Variants in ERICH1 observed in about 807,000 individuals in gnomAD.
ERICH1 encodes the protein glutamate-rich protein 1.
In ERICH1, 56 loss-of-function variants were observed where a neutral mutation model predicts 39.6. The ratio of observed to expected loss-of-function variants is 1.41; its 90% CI spans 1.14 to 1.77. The LOEUF (loss-of-function observed/expected upper bound fraction) is 1.77. ERICH1 is among the 40% of genes most tolerant of loss of function. The pLI is 0.00. For synonymous variants in ERICH1, 313 were observed against 223.6 expected (o/e 1.40, Z -3.57); for missense variants, 826 against 575.4 (o/e 1.44, Z -4.45).
chr8:715,727 C>G (rs908824886), intron 2 of ERICH1, 134 bp downstream of exon 2: 1 of 1,250,220 alleles, frequency 8.0e-7, no homozygotes, highest in African/African-American at 1.5e-5. Flanking sequence ...CCTGCCCTGC[C>G]CACCTGCTGC....
At chr8:628,303 C>T (rs1797716804) in intron 3 of ERICH1, among the ~76,000 whole-genome samples, 1 of 152,222 alleles carries the variant, frequency 6.6e-6, no homozygotes, top group Admixed American at 6.5e-5. Flanking sequence ...GTGGGTGGAC[C>T]TGCATCCCAA....
At chr8:643,802 A>G (rs989140356) in intron 3 of ERICH1, among the ~76,000 whole-genome samples, 1 of 151,984 alleles carries the variant, frequency 6.6e-6, no homozygotes, top group African/African-American at 2.4e-5. Context: ...TCTCCTTTTT[A>G]TTGTAGTGAG....
At chr8:700,955 C>T (rs1811971424) in intron 2 of ERICH1, among the ~76,000 whole-genome samples, 1 of 152,258 alleles carries the variant, frequency 6.6e-6, no homozygotes, top group African/African-American at 2.4e-5. Context: ...CCAAAAATGA[C>T]AGAGGAAAAG....
intron 3 of ERICH1, among the ~76,000 whole-genome samples, chr8:643,978 G>A (rs951666100): frequency 2.0e-5 from 3 of 152,212 alleles, no homozygotes; most frequent in African/African-American, 4.8e-5. Flanking sequence ...TGGGCCTGAC[G>A]GGGCGGGGGC....
rs185129641 is a variant in ERICH1, at chr8:711,773, A to C, written c.169+4088T>G. On this transcript the variant is annotated intron_variant, in intron 2 of 5. Coordinates refer to ENST00000262109, the MANE Select transcript of ERICH1 (RefSeq NM_207332.3). Reference sequence around the variant, plus strand: ...TGGCCTCCCAAAGTGCTGGGATTATAGGTGTGATCCACCGCGCCCAGTCCA... The same window carrying C: ...TGGCCTCCCAAAGTGCTGGGATTATCGGTGTGATCCACCGCGCCCAGTCCA... 1.3e-3 allele frequency among the ~76,000 whole-genome samples: 197 copies of C among 152,320 alleles called. 1 individual carries two copies. Among genetic ancestry groups the C allele is most frequent in the South Asian group, 0.012 (58 of 4,828 alleles).
intron 3 of ERICH1, among the ~76,000 whole-genome samples, chr8:639,901 C>G (rs62486235): frequency 0.022 from 3,297 of 151,998 alleles, 537 homozygotes; most frequent in Middle Eastern, 0.038. Context: ...TCACTAGCCT[C>G]CTGGCCTTAA....
chr8:729,807 GAGAA>G (rs747094842), intron 1 of ERICH1, among the ~76,000 whole-genome samples: 8 of 139,330 alleles, frequency 5.7e-5, no homozygotes, highest in Non-Finnish European at 1.3e-4. Context: ...TTGGTGAATG[GAGAA>G]AGGTTTTTTT....
At chr8:696,334 C>T (rs1410156841) in intron 2 of ERICH1, among the ~76,000 whole-genome samples, 4 of 43,310 alleles carry the variant, frequency 9.2e-5, no homozygotes, top group Admixed American at 1.7e-4. Flanking sequence ...TCGCTCCTCT[C>T]ACCCTCCACT....
chr8:650,709 G>C (rs1323238703), intron 3 of ERICH1, among the ~76,000 whole-genome samples: 2 of 152,224 alleles, frequency 1.3e-5, no homozygotes, highest in Non-Finnish European at 2.9e-5. Flanking sequence ...ACCCTGAAGA[G>C]GGTGCAGCCA....
chr8:664,667 C>A lies in ERICH1; in HGVS notation c.1268G>T (p.Arg423Ile). The A allele has an allele frequency of 1.9e-6, 3 of 1,610,838 alleles. No homozygotes were observed. The highest frequency in any genetic ancestry group is 2.5e-6 in the Non-Finnish European group (3 of 1,178,830). Residue 423 changes from arginine (R) to isoleucine (I), a missense_variant, in exon 6 of 6, where the codon AGA (arginine) becomes ATA (isoleucine). Coordinates refer to ENST00000262109, the MANE Select transcript of ERICH1 (RefSeq NM_207332.3). ...EHCTMPPDHARVISAFFSYWI... is the reference protein window; with the variant it reads ...EHCTMPPDHAIVISAFFSYWI... ...GTAACTAAAGAAAGCTGAGATTACT[C>A]TGGCATGGTCTAGAAAGCAAAAAAC... is the stretch of plus-strand genomic sequence containing the variant.
At chr8:651,689 C>T in intron 3 of ERICH1, among the ~76,000 whole-genome samples, 1 of 124,372 alleles carries the variant, frequency 8.0e-6, no homozygotes, top group South Asian at 2.6e-4. Context: ...GGGGAGAAGA[C>T]TGAGGGGAGA....
At position 668,388 on chromosome 8, in the gene ERICH1, A is replaced by G. The variant is rs139363664; in HGVS notation, c.1258+210T>C. 3.2e-4 allele frequency: 190 copies of G among 600,270 alleles called. 1 individual carries two copies. The East Asian group carries it at 5.2e-3, about 16-fold the overall frequency. 37.2% of individuals were successfully genotyped at this position (600,270 alleles called of 1,614,324 possible). ...CCAAGTCCGGAAACTTAGACTGCAC[A>G]TGCATTTCTGCATATATTATGTGAA... is the stretch of plus-strand genomic sequence containing the variant. On this transcript the variant is annotated intron_variant, in intron 5 of 5. Transcript: ENST00000262109.
At chr8:731,081 GGTCTGA>G in intron 1 of ERICH1, 53 bp downstream of exon 1, 3 of 1,403,268 alleles carry the variant, frequency 2.1e-6, no homozygotes, top group South Asian at 1.5e-5. Flanking sequence ...TCAACACCGC[GGTCTGA>G]GCCGAGAGCC....
chr8:712,587 G>A (rs2132315197), intron 2 of ERICH1, among the ~76,000 whole-genome samples: 1 of 152,238 alleles, frequency 6.6e-6, no homozygotes, highest in African/African-American at 2.4e-5. Context: ...GCACCACCAT[G>A]ACTGGCTAAT....
intron 3 of ERICH1, among the ~76,000 whole-genome samples, chr8:643,074 C>T (rs151050828): frequency 9.2e-5 from 14 of 151,920 alleles, no homozygotes; most frequent in East Asian, 3.9e-4. Flanking sequence ...CCGCCCCTCA[C>T]GGCCCCAGGA....
At chr8:652,151 C>G (rs997302126) in intron 3 of ERICH1, among the ~76,000 whole-genome samples, 9 of 152,182 alleles carry the variant, frequency 5.9e-5, no homozygotes, top group African/African-American at 2.2e-4. Flanking sequence ...CCATGCCACC[C>G]CATCGACGCC....
intron 3 of ERICH1, among the ~76,000 whole-genome samples, chr8:631,165 G>A (rs1798015810): frequency 6.6e-6 from 1 of 152,244 alleles, no homozygotes; most frequent in South Asian, 2.1e-4. Flanking sequence ...TCCCCCGCTG[G>A]ACATGGCCTG....
rs77580311 is a variant in ERICH1, at chr8:686,151, T to C, written c.304+6327A>G. On this transcript the variant is annotated intron_variant, in intron 3 of 5. Transcript: ENST00000262109. ...GCTGGGATGACAGAGCGAGACTCCATCTCAAAATCATCATCATCATCATCA... is the reference window on the plus strand; with the variant it reads ...GCTGGGATGACAGAGCGAGACTCCACCTCAAAATCATCATCATCATCATCA... Among the ~76,000 whole-genome samples the C allele has an allele frequency of 3.9e-3, 589 of 152,224 alleles. 28 individuals carry two copies. The East Asian group carries it at 0.098, about 25-fold the overall frequency.
intron 3 of ERICH1, among the ~76,000 whole-genome samples, chr8:681,235 G>C (rs1298554091): frequency 6.6e-6 from 1 of 152,184 alleles, no homozygotes; most frequent in Non-Finnish European, 1.5e-5. Context: ...AGCCTGAGGA[G>C]GCTGAGTCAT....
Sources: gnomAD v4.1 joint callset for allele counts (sites outside exome capture counted in the v4.1 genomes callset) on GRCh38, gnomAD v4.1.1 for gene constraint, MANE v1.5 for transcripts, NCBI Gene and HGNC (gene_info 2026-07-23, HGNC 2026-07-21) for gene names.